The following ANKRD36C variants were observed in gnomAD, a reference collection of about 807,000 sequenced individuals.
The protein encoded by ANKRD36C is ankyrin repeat domain 36C.
ANKRD36C carries 61 observed loss-of-function variants against 276.4 expected under a neutral mutation model. The observed-to-expected ratio is 0.22, with a 90% CI of 0.18 to 0.27. The LOEUF (loss-of-function observed/expected upper bound fraction) is 0.27, where lower values mean the gene tolerates loss of function less well. Among genes scored for constraint, ANKRD36C ranks in the 10% least tolerant of loss-of-function variants. The probability of loss-of-function intolerance (pLI) is 1.00; values close to 1 mark genes in which losing one functional copy is unlikely to be tolerated. For synonymous variants in ANKRD36C, 483 were observed against 680.1 expected (o/e 0.71, Z 4.51); for missense variants, 1,447 against 2,032.3 (o/e 0.71, Z 5.54).
intron 13 of ANKRD36C, among the ~76,000 whole-genome samples, chr2:95,956,247 C>T (rs375577475): frequency 1.4e-4 from 15 of 105,262 alleles, no homozygotes; most frequent in South Asian, 1.2e-3. Context: ...AAAAAACTTA[C>T]GGTCTTGTGG....
chr2:95,962,436 T>G lies in ANKRD36C; in HGVS notation c.829-12A>C, dbSNP rs1678484017. The G allele has an allele frequency of 1.3e-6, 2 of 1,579,954 alleles. No homozygotes were observed. The highest frequency in any genetic ancestry group is 1.1e-5 in the South Asian group (1 of 87,882). On this transcript the variant is annotated splice_polypyrimidine_tract_variant and intron_variant, in intron 7 of 66. Coordinates refer to ENST00000456556, the Ensembl canonical transcript of ANKRD36C. ...TTGCCACTTGTAGCCTGAGTGGGAT[T>G]TGAAACAAAATAATCAATACGTAAA...
At chr2:95,880,944 T>C (rs575737360) in intron 56 of ANKRD36C, among the ~76,000 whole-genome samples, 3 of 152,350 alleles carry the variant, frequency 2.0e-5, no homozygotes, top group South Asian at 4.1e-4. Flanking sequence ...GAGCAAGTCA[T>C]AACCCTAGAA....
At chr2:95,861,834 C>A (rs1266189041) in intron 60 of ANKRD36C, among the ~76,000 whole-genome samples, 1 of 152,040 alleles carries the variant, frequency 6.6e-6, no homozygotes, top group African/African-American at 2.4e-5. Flanking sequence ...CAACTACAGG[C>A]TGCCTATAAG....
In ANKRD36C at chr2:95,921,555, G is replaced by T. The variant is rs1009793693; in HGVS notation, c.2245+52C>A. On this transcript the variant is annotated intron_variant, in intron 34 of 66. Transcript: ENST00000456556. ...CCACTGATTTATTCGGGGTAGAGAA[G>T]TTCTTTTCTATCTGGATTGAACATG... 3.5e-4 allele frequency: 554 copies of T among 1,568,956 alleles called. 2 individuals carry two copies. The highest frequency in any genetic ancestry group is 4.4e-4 in the Non-Finnish European group (515 of 1,157,310).
intron 44 of ANKRD36C, among the ~76,000 whole-genome samples, chr2:95,893,064 C>G (rs1054921936): frequency 1.3e-5 from 2 of 151,188 alleles, no homozygotes; most frequent in Admixed American, 6.6e-5. Context: ...CTTTTCACAC[C>G]TTCCTGCCTC....
intron 42 of ANKRD36C, among the ~76,000 whole-genome samples, chr2:95,910,119 C>A (rs929250303): frequency 2.6e-5 from 4 of 151,128 alleles, no homozygotes; most frequent in African/African-American, 9.7e-5. Context: ...TTCCCCAGAG[C>A]CCCTTATGTC....
intron 5 of ANKRD36C, 26 bp downstream of exon 5, chr2:95,980,622 A>G: frequency 5.0e-6 from 8 of 1,604,438 alleles, no homozygotes; most frequent in Non-Finnish European, 6.8e-6. Flanking sequence ...TTTAGTGTTC[A>G]TTAGCCTTTT....
chr2:95,912,469 C>A (rs184728251), intron 40 of ANKRD36C, 34 bp from the exon 43 acceptor site: 8 of 1,602,236 alleles, frequency 5.0e-6, no homozygotes, highest in Non-Finnish European at 6.8e-6. Flanking sequence ...ATCACTCACA[C>A]GTAAATATGA....
intron 36 of ANKRD36C, among the ~76,000 whole-genome samples, 163 bp downstream of exon 38, chr2:95,917,692 C>T (rs192054474): frequency 9.2e-5 from 14 of 151,678 alleles, no homozygotes; most frequent in Admixed American, 8.5e-4. Context: ...GCAGCATTAG[C>T]GCCACCCAAG....
intron 17 of ANKRD36C, among the ~76,000 whole-genome samples, chr2:95,947,767 T>A (rs201162231): frequency 6.6e-6 from 1 of 152,142 alleles, no homozygotes; most frequent in Non-Finnish European, 1.5e-5. Flanking sequence ...GAAAACACAG[T>A]GTAAGCCCTC....
chr2:95,888,757 T>G (rs1338440015), intron 48 of ANKRD36C, among the ~76,000 whole-genome samples: 2 of 151,662 alleles, frequency 1.3e-5, no homozygotes, highest in African/African-American at 2.4e-5. Context: ...CTTCTGAAAG[T>G]TTCTTCATCC....
rs575223500 is a variant in ANKRD36C, at chr2:95,986,726, G to C, written c.486+25C>G. ...AAAATAAATGCATTTCAGATAGTTT[G>C]AAAATAACATTGGTTGACCTATACC... On this transcript the variant is annotated intron_variant, in intron 3 of 66. Transcript: ENST00000456556. 3.6e-4 allele frequency: 577 copies of C among 1,582,790 alleles called. 3 individuals are homozygous for C. The Middle Eastern group carries it at 3.9e-3, about 11-fold the overall frequency.
chr2:95,946,333 A>C (rs1327589394), intron 17 of ANKRD36C, among the ~76,000 whole-genome samples: 3 of 150,310 alleles, frequency 2.0e-5, no homozygotes, highest in Non-Finnish European at 3.0e-5. Context: ...GCCATCAGAG[A>C]AATGCAAATC....
At chr2:95,952,215 A>G (rs535970354) in intron 14 of ANKRD36C, among the ~76,000 whole-genome samples, 326 of 144,382 alleles carry the variant, frequency 2.3e-3, no homozygotes, top group African/African-American at 8.1e-3. Flanking sequence ...TGCGCTTAAA[A>G]GAAAAGCTTG....
intron 59 of ANKRD36C, among the ~76,000 whole-genome samples, chr2:95,870,076 T>C (rs1675770969): frequency 6.6e-6 from 1 of 152,216 alleles, no homozygotes; most frequent in African/African-American, 2.4e-5. Flanking sequence ...GCTCCACCTC[T>C]GGGGGCAGGG....
chr2:95,983,192 C>A (rs1252896622), intron 3 of ANKRD36C, among the ~76,000 whole-genome samples: 1 of 151,358 alleles, frequency 6.6e-6, no homozygotes, highest in Admixed American at 6.6e-5. Context: ...TCATTTGAAG[C>A]CTCTCTCTCT....
chr2:95,956,969 C>T (rs2104497118), intron 12 of ANKRD36C, among the ~76,000 whole-genome samples, 153 bp from the exon 13 acceptor site: 1 of 151,960 alleles, frequency 6.6e-6, no homozygotes, highest in Admixed American at 6.6e-5. Flanking sequence ...GCAATTCAGA[C>T]CAGCTTGGGC....
chr2:95,852,203 C>T lies in ANKRD36C; in HGVS notation c.5149-7G>A. 2 of 1,601,888 alleles carry T rather than the reference C, an allele frequency of 1.2e-6. No homozygotes were observed. Among genetic ancestry groups the T allele is most frequent in the Non-Finnish European group, 1.7e-6 (2 of 1,172,278 alleles). ...GATCCTGTATTTCTTGAAACTAAAA[C>T]AAAGAATTTTAAAAAATTACATTTG... On this transcript the variant is annotated splice_region_variant and splice_polypyrimidine_tract_variant and intron_variant, in intron 64 of 66. Coordinates refer to ENST00000456556, the Ensembl canonical transcript of ANKRD36C.
intron 60 of ANKRD36C, among the ~76,000 whole-genome samples, chr2:95,864,154 A>G (rs1216945825): frequency 6.6e-6 from 1 of 152,072 alleles, no homozygotes; most frequent in African/African-American, 2.4e-5. Flanking sequence ...AGTCTTTATA[A>G]TAAATTCTAA....
Sources: allele counts gnomAD v4.1 joint callset (sites outside exome capture counted in the v4.1 genomes callset), GRCh38; gene constraint gnomAD v4.1.1; transcripts MANE v1.5; gene names NCBI Gene and HGNC (gene_info 2026-07-23, HGNC 2026-07-21).